Variants in STX2 observed in about 807,000 individuals in gnomAD.
STX2 encodes syntaxin 2, also known as syntaxin-2.
STX2 carries 27 observed loss-of-function variants against 40.6 expected under a neutral mutation model. That is an observed-to-expected ratio of 0.66 (90% CI 0.49 to 0.92). STX2 has a LOEUF of 0.92. STX2 is among the 40% of genes least tolerant of loss of function. The probability of loss-of-function intolerance (pLI) is 0.00; values close to 1 mark genes in which losing one functional copy is unlikely to be tolerated. For missense variants in STX2, 328 were observed against 366.1 expected (o/e 0.90, Z 0.85); for synonymous variants, 123 against 119.1 (o/e 1.03, Z -0.22).
At chr12:130,801,618 T>A in intron 6 of STX2, 130 bp from the exon 7 acceptor site, 1 of 942,592 alleles carries the variant, frequency 1.1e-6, no homozygotes, top group Non-Finnish European at 1.5e-6. Context: ...AACCTTTTCT[T>A]AAGCAGATAT....
At chr12:130,803,255 C>T (rs1413541346) in intron 6 of STX2, among the ~76,000 whole-genome samples, 2 of 152,100 alleles carry the variant, frequency 1.3e-5, no homozygotes, top group Admixed American at 6.5e-5. Context: ...AATCCCAGTG[C>T]TTTGGGAGAC....
At chr12:130,811,390 C>G (rs1285563660) in intron 4 of STX2, among the ~76,000 whole-genome samples, 1 of 150,734 alleles carries the variant, frequency 6.6e-6, no homozygotes. Context: ...GATATTACTG[C>G]TTGCAACTTC....
intron 6 of STX2, among the ~76,000 whole-genome samples, chr12:130,806,377 C>A (rs756497694): frequency 6.6e-6 from 1 of 152,176 alleles, no homozygotes; most frequent in African/African-American, 2.4e-5. Context: ...CAGCTGTCCA[C>A]GGCCCCCAGT....
chr12:130,805,935 CG>C (rs1360102118), intron 6 of STX2, among the ~76,000 whole-genome samples: 1 of 152,148 alleles, frequency 6.6e-6, no homozygotes, highest in Non-Finnish European at 1.5e-5. Context: ...CAGACAAAGA[CG>C]GTTCAAGTTA....
rs1241135708 is a variant in STX2, at chr12:130,829,096, A to G, written c.31-1829T>C. 9.2e-5 allele frequency among the ~76,000 whole-genome samples: 14 copies of G among 152,150 alleles called. No individual in the cohort carries two copies. The East Asian group carries it at 2.7e-3, about 30-fold the overall frequency. On this transcript the variant is annotated intron_variant, in intron 1 of 10. Coordinates refer to ENST00000392373, the MANE Select transcript of STX2 (RefSeq NM_194356.4). ...CAATCTTCCTGGTACCACACCCCCT[A>G]GTCCCCACCATGAGGCAGGTGCTGG...
chr12:130,798,749 A>T (rs1287902456), intron 8 of STX2, 114 bp from the exon 9 acceptor site: 3 of 654,422 alleles, frequency 4.6e-6, no homozygotes, highest in African/African-American at 1.9e-5. Flanking sequence ...TGTAATGGAT[A>T]CTGAGGGTTT....
chr12:130,820,803 G>A (rs1020265276), intron 3 of STX2, among the ~76,000 whole-genome samples: 13 of 152,162 alleles, frequency 8.5e-5, no homozygotes, highest in African/African-American at 2.9e-4. Context: ...CGCACAGACC[G>A]GCATTAAAGG....
chr12:130,820,331 T>C (rs1952064375), intron 3 of STX2, among the ~76,000 whole-genome samples: 1 of 152,202 alleles, frequency 6.6e-6, no homozygotes, highest in Non-Finnish European at 1.5e-5. Flanking sequence ...GCAAAAATCA[T>C]TGTATTTCTA....
intron 9 of STX2, 37 bp from the exon 10 acceptor site, chr12:130,796,157 G>A (rs569402548): frequency 6.2e-7 from 1 of 1,607,576 alleles, no homozygotes; most frequent in South Asian, 1.1e-5. Flanking sequence ...ATCATGCATG[G>A]TTAATTTCAT....
At chr12:130,809,988 C>T (rs1167204978) in intron 4 of STX2, among the ~76,000 whole-genome samples, 2 of 152,180 alleles carry the variant, frequency 1.3e-5, no homozygotes, top group Non-Finnish European at 2.9e-5. Flanking sequence ...AGTCACTGCA[C>T]TCCAGCCTGG....
intron 1 of STX2, among the ~76,000 whole-genome samples, chr12:130,836,088 G>A (rs1349767548): frequency 6.2e-5 from 9 of 144,442 alleles, no homozygotes; most frequent in African/African-American, 2.1e-4. Flanking sequence ...TACAAGCACG[G>A]TTGTGAGTAC....
intron 5 of STX2, among the ~76,000 whole-genome samples, chr12:130,808,309 C>CT (rs796303992): frequency 1.3e-5 from 2 of 151,944 alleles, no homozygotes. Flanking sequence ...CACTTTTTCT[C>CT]TTTTTTTTCC....
intron 3 of STX2, among the ~76,000 whole-genome samples, chr12:130,815,797 G>C (rs1177905862): frequency 2.0e-5 from 3 of 152,182 alleles, no homozygotes. Context: ...TGTTGTGCCT[G>C]AGCCTGCACA....
At chr12:130,796,217 G>A in intron 9 of STX2, 97 bp from the exon 10 acceptor site, 2 of 1,500,554 alleles carry the variant, frequency 1.3e-6, no homozygotes, top group Non-Finnish European at 1.8e-6. Flanking sequence ...GACCTGGCCA[G>A]GTGTGGTGGC....
At chr12:130,829,578 TAG>T (rs1952478620) in intron 1 of STX2, among the ~76,000 whole-genome samples, 1 of 151,986 alleles carries the variant, frequency 6.6e-6, no homozygotes, top group South Asian at 2.1e-4. Context: ...CCCCCTCTCT[TAG>T]AAAGAGGATC....
chr12:130,827,086 A>T, intron 2 of STX2, 107 bp downstream of exon 2: 1 of 485,624 alleles, frequency 2.1e-6, no homozygotes, highest in Admixed American at 3.9e-5. Flanking sequence ...AGGGGTGGGG[A>T]GGGGAGGGGA....
intron 1 of STX2, among the ~76,000 whole-genome samples, chr12:130,830,992 G>A (rs1243902957): frequency 6.6e-6 from 1 of 152,214 alleles, no homozygotes; most frequent in Non-Finnish European, 1.5e-5. Flanking sequence ...CTCCTTAAAA[G>A]TAGCATTATA....
intron 3 of STX2, among the ~76,000 whole-genome samples, chr12:130,820,055 CTAAG>C (rs1211508884): frequency 3.3e-5 from 5 of 152,226 alleles, no homozygotes; most frequent in Admixed American, 2.0e-4. Flanking sequence ...TACGGCTACA[CTAAG>C]TAATATTCCA....
At chr12:130,837,778 G>T (rs1027791865) in intron 1 of STX2, among the ~76,000 whole-genome samples, 2 of 152,084 alleles carry the variant, frequency 1.3e-5, no homozygotes, top group African/African-American at 4.8e-5. Flanking sequence ...ATAATCCATC[G>T]GGCAAGACAA....
Sources: allele counts gnomAD v4.1 joint callset (sites outside exome capture counted in the v4.1 genomes callset), GRCh38; gene constraint gnomAD v4.1.1; transcripts MANE v1.5; gene names NCBI Gene and HGNC (gene_info 2026-07-23, HGNC 2026-07-21).